The following CLIC2 variants were observed in gnomAD, a reference collection of about 807,000 sequenced individuals.
CLIC2 encodes CLIC family member 2.
CLIC2 carries 9 observed loss-of-function variants against 14.8 expected under a neutral mutation model. The ratio of observed to expected loss-of-function variants is 0.61; its 90% CI spans 0.37 to 1.06. CLIC2 has a LOEUF of 1.06. CLIC2 is among the 50% of genes least tolerant of loss of function. The pLI, the probability that CLIC2 is intolerant of heterozygous loss-of-function variation, is 0.01. For missense variants in CLIC2, 148 were observed against 181.4 expected (o/e 0.82, Z 1.06); for synonymous variants, 61 against 66.3 (o/e 0.92, Z 0.39).
Position 155,292,091 on chromosome X carries a change from G to A in CLIC2, c.293+6694C>T, listed in dbSNP as rs1602934687. On this transcript the variant is annotated intron_variant, in intron 3 of 5. Transcript: ENST00000369449. ...TAGGAGCTGTGAAACTTCAAGTCAA[G>A]ATCTTGGCTTTAGTTACTATCCAGC... 4 of 565,748 alleles carry A rather than the reference G, an allele frequency of 7.1e-6. No homozygotes were observed. In the East Asian group the frequency reaches 1.3e-4, roughly 18 times the overall value. 46.6% of individuals were successfully genotyped at this position (565,748 alleles called of 1,213,427 possible). A position where few individuals can be genotyped will look rare whatever the true frequency, so the allele number is the denominator to read the frequency against.
chrX:155,333,040 A>G (rs2075162221), intron 1 of CLIC2, among the ~76,000 whole-genome samples: 1 of 112,323 alleles, frequency 8.9e-6, no homozygotes. Context: ...CCGATAGTTT[A>G]GCAAACACTT....
intron 5 of CLIC2, 37 bp downstream of exon 5, chrX:155,279,112 C>T (rs782325597): frequency 8.6e-7 from 1 of 1,165,265 alleles, no homozygotes; most frequent in South Asian, 1.8e-5. Context: ...ACTGGCAAAC[C>T]CCTCCCACCC....
Position 155,277,850 on chromosome X carries a change from T to C in CLIC2, c.*53A>G. The C allele has an allele frequency of 9.2e-7, 1 of 1,086,802 alleles. No homozygotes were observed. Among genetic ancestry groups the C allele is most frequent in the Non-Finnish European group, 1.3e-6 (1 of 784,470 alleles). The allele number at this position is 1,086,802 out of a possible 1,213,427, so 89.6% of individuals were successfully genotyped here. On this transcript the variant is annotated 3_prime_UTR_variant, in exon 6 of 6. Transcript: ENST00000369449. ...TATTTGCAAAAACCTTTCTAATATG[T>C]CAATAAGTAAAATCTGATCACAAAT...
At chrX:155,311,853 C>A (rs190989142) in intron 1 of CLIC2, among the ~76,000 whole-genome samples, 1 of 111,223 alleles carries the variant, frequency 9.0e-6, no homozygotes, top group Non-Finnish European at 1.9e-5. Context: ...CAAGGGAAAG[C>A]GGTTTCCCCT....
intron 1 of CLIC2, among the ~76,000 whole-genome samples, chrX:155,319,235 C>T (rs1322839177): frequency 8.9e-6 from 1 of 111,963 alleles, no homozygotes; most frequent in African/African-American, 3.2e-5. Flanking sequence ...GAAAAAGCTT[C>T]TGTATAGCAA....
intron 1 of CLIC2, among the ~76,000 whole-genome samples, chrX:155,307,429 A>G (rs937276410): frequency 1.8e-5 from 2 of 111,893 alleles, no homozygotes; most frequent in East Asian, 5.6e-4. Flanking sequence ...TGGAATTCAG[A>G]GGAGGGAGAG....
intron 4 of CLIC2, among the ~76,000 whole-genome samples, chrX:155,279,562 G>T (rs1320051847): frequency 9.0e-6 from 1 of 111,563 alleles, no homozygotes; most frequent in African/African-American, 3.3e-5. Flanking sequence ...GCATTGGCAG[G>T]AGAGTAAAAG....
chrX:155,279,253 G>A lies in CLIC2; in HGVS notation c.478C>T (p.Pro160Ser). 8.3e-7 allele frequency: 1 copy of A among 1,208,709 alleles called. No homozygotes were observed. Residue 160 changes from proline (P) to serine (S), a missense_variant, in exon 5 of 6, where the codon CCA becomes TCA. Physicochemically the swap from Pro to Ser is moderately conservative, Grantham distance 74. Coordinates refer to ENST00000369449, the MANE Select transcript of CLIC2 (RefSeq NM_001289.6). ...LNTPLLDEIDPDSAEEPPVSR... is the reference protein window; with the variant it reads ...LNTPLLDEIDSDSAEEPPVSR... ...ACTGGGGGTTCCTCAGCACTGTCTG[G>A]ATCAATTTCATCCAGAAGTGGGGTG...
At chrX:155,293,438 A>C in intron 3 of CLIC2, 1 of 632,810 alleles carries the variant, frequency 1.6e-6, no homozygotes, top group Non-Finnish European at 2.7e-6. Flanking sequence ...GATATAAAGA[A>C]AATAAAGGAC....
At position 155,283,578 on chromosome X, in the gene CLIC2, G is replaced by A. The variant is rs903530377; in HGVS notation, c.294-3510C>T. On this transcript the variant is annotated intron_variant, in intron 3 of 5. Transcript: ENST00000369449. ...CCCTCCCCACCCCCCGACAGGCCCC[G>A]GTGTGTGATGTTCCATCCTGTGTCC... 6.3e-5 allele frequency among the ~76,000 whole-genome samples: 7 copies of A among 111,036 alleles called. No homozygotes were observed. The South Asian group carries it at 1.1e-3, about 18-fold the overall frequency.
At chrX:155,298,659 T>C (rs781925557) in intron 3 of CLIC2, 126 bp downstream of exon 3, 17 of 690,256 alleles carry the variant, frequency 2.5e-5, no homozygotes, top group Non-Finnish European at 3.5e-5. Flanking sequence ...TTTATGCATG[T>C]GTGTCATTTG....
intron 1 of CLIC2, among the ~76,000 whole-genome samples, chrX:155,316,375 G>A (rs1270352264): frequency 1.8e-5 from 2 of 111,693 alleles, no homozygotes; most frequent in African/African-American, 6.5e-5. Context: ...CACAAAACAA[G>A]TCTCAGTAAA....
chrX:155,308,721 C>T (rs2075064067), intron 1 of CLIC2, among the ~76,000 whole-genome samples: 1 of 112,147 alleles, frequency 8.9e-6, no homozygotes, highest in South Asian at 3.7e-4. Flanking sequence ...GCAGACTTTT[C>T]AGTGGCAATC....
intron 1 of CLIC2, among the ~76,000 whole-genome samples, chrX:155,303,410 T>C (rs1730907736): frequency 1.4e-5 from 1 of 70,787 alleles, no homozygotes; most frequent in Non-Finnish European, 2.8e-5. Flanking sequence ...AACCCCTGCC[T>C]TTTTTTGTTT....
At chrX:155,333,025 T>G (rs2075162101) in intron 1 of CLIC2, among the ~76,000 whole-genome samples, 1 of 112,289 alleles carries the variant, frequency 8.9e-6, no homozygotes, top group African/African-American at 3.2e-5. Flanking sequence ...AAGTCGCTCT[T>G]ATGCCCGATA....
intron 1 of CLIC2, among the ~76,000 whole-genome samples, chrX:155,312,420 G>A (rs1196268471): frequency 5.4e-5 from 6 of 111,999 alleles, no homozygotes; most frequent in African/African-American, 1.9e-4. Context: ...ATTGAATAAG[G>A]AGTCTTTTCC....
chrX:155,328,322 A>G (rs782259557), intron 1 of CLIC2, among the ~76,000 whole-genome samples: 2 of 111,768 alleles, frequency 1.8e-5, no homozygotes, highest in Non-Finnish European at 3.8e-5. Flanking sequence ...AGGTTACAAA[A>G]TCAACGTACA....
At chrX:155,324,177 C>G (rs1218836143) in intron 1 of CLIC2, among the ~76,000 whole-genome samples, 1 of 112,369 alleles carries the variant, frequency 8.9e-6, no homozygotes, top group Non-Finnish European at 1.9e-5. Flanking sequence ...ATGTAACAAA[C>G]CTGCACGTTG....
intron 3 of CLIC2, 67 bp from the exon 4 acceptor site, chrX:155,280,135 G>A: frequency 9.9e-6 from 7 of 709,390 alleles, no homozygotes; most frequent in Non-Finnish European, 1.6e-5. Context: ...GCCCTAGCTT[G>A]CACTATACTG....
Sources: allele counts gnomAD v4.1 joint callset (sites outside exome capture counted in the v4.1 genomes callset), GRCh38; gene constraint gnomAD v4.1.1; transcripts MANE v1.5; gene names NCBI Gene and HGNC (gene_info 2026-07-23, HGNC 2026-07-21).